The following AGPAT3 variants were observed in gnomAD, a reference collection of about 807,000 sequenced individuals.
AGPAT3 encodes 1-acylglycerol-3-phosphate O-acyltransferase 3, also known as 1-acyl-sn-glycerol-3-phosphate acyltransferase gamma.
AGPAT3 carries 5 observed loss-of-function variants against 47.3 expected under a neutral mutation model. That is an observed-to-expected ratio of 0.11 (90% CI 0.06 to 0.22). The LOEUF (loss-of-function observed/expected upper bound fraction) is 0.22, where lower values mean the gene tolerates loss of function less well. Ranked by LOEUF, AGPAT3 falls within the 10% of genes least tolerant of loss-of-function variation. AGPAT3 has a pLI of 1.00. For synonymous variants in AGPAT3, 212 were observed against 208.3 expected (o/e 1.02, Z -0.15); for missense variants, 315 against 493.0 (o/e 0.64, Z 3.42).
intron 2 of AGPAT3, among the ~76,000 whole-genome samples, chr21:43,946,624 G>A (rs2146430185): frequency 6.6e-6 from 1 of 151,920 alleles, no homozygotes; most frequent in Admixed American, 6.5e-5. Context: ...AAGTGCATGA[G>A]ACATTGATGA....
At chr21:43,917,137 C>T (rs1184113408) in intron 2 of AGPAT3, among the ~76,000 whole-genome samples, 2 of 152,130 alleles carry the variant, frequency 1.3e-5, no homozygotes, top group Non-Finnish European at 2.9e-5. Flanking sequence ...GCCCCATTTG[C>T]TGGGTTGTCC....
chr21:43,937,975 G>C (rs2087504057), intron 2 of AGPAT3, among the ~76,000 whole-genome samples: 1 of 152,162 alleles, frequency 6.6e-6, no homozygotes, highest in South Asian at 2.1e-4. Context: ...TGTGCAGACA[G>C]TGCTGGACCA....
chr21:43,871,154 A>G (rs2123504765), intron 1 of AGPAT3, among the ~76,000 whole-genome samples: 1 of 152,370 alleles, frequency 6.6e-6, no homozygotes, highest in East Asian at 1.9e-4. Context: ...ATTTCTTGAA[A>G]CAAAGTAACT....
chr21:43,902,782 T>C (rs2086388650), intron 1 of AGPAT3, among the ~76,000 whole-genome samples: 2 of 152,192 alleles, frequency 1.3e-5, no homozygotes, highest in Non-Finnish European at 2.9e-5. Context: ...GCGGATCACT[T>C]GAGCTCAGGA....
chr21:43,943,520 C>T (rs2087742061), intron 2 of AGPAT3, among the ~76,000 whole-genome samples: 2 of 152,220 alleles, frequency 1.3e-5, no homozygotes, highest in Admixed American at 6.5e-5. Flanking sequence ...CCTCCTGGGG[C>T]TCGATTTCCC....
chr21:43,927,325 C>T (rs1004250099), intron 2 of AGPAT3, among the ~76,000 whole-genome samples: 1 of 151,964 alleles, frequency 6.6e-6, no homozygotes, highest in African/African-American at 2.4e-5. Flanking sequence ...AAAAAAGAAC[C>T]CCACAGAGTT....
At chr21:43,917,919 AGGGGGTGTGGGTGTTGTGGGTGTTGT>A (rs2086779097) in intron 2 of AGPAT3, among the ~76,000 whole-genome samples, 5 of 27,134 alleles carry the variant, frequency 1.8e-4, no homozygotes, top group Admixed American at 1.2e-3. Flanking sequence ...TGGGTGTTGT[AGGGGGTGTGGGTGTTGTGGGTGTTGT>A]GGGGGTTGTA....
chr21:43,913,693 C>T (rs1346719799), intron 2 of AGPAT3, among the ~76,000 whole-genome samples: 1 of 152,140 alleles, frequency 6.6e-6, no homozygotes, highest in Non-Finnish European at 1.5e-5. Context: ...TTGGCAATGG[C>T]AGGAGATGTT....
intron 2 of AGPAT3, among the ~76,000 whole-genome samples, chr21:43,959,251 G>C (rs377340103): frequency 7.3e-6 from 1 of 136,758 alleles, no homozygotes; most frequent in Non-Finnish European, 1.6e-5. Flanking sequence ...GTGGTGTGTG[G>C]TTTGCGGTGT....
rs184274316 is a variant in AGPAT3, at chr21:43,971,383, C to A, written c.665-5C>A. The A allele has an allele frequency of 5.0e-6, 8 of 1,613,752 alleles. No individual in the cohort carries two copies. The East Asian group carries it at 1.1e-4, about 22-fold the overall frequency. ...GGTCATTCACCCTCCCGTCTCCTCC[C>A]ACAGTCGCAGCTGTCTATGATGTAA... On this transcript the variant is annotated splice_region_variant and splice_polypyrimidine_tract_variant and intron_variant, in intron 6 of 9. Transcript: ENST00000291572.
chr21:43,932,366 G>A lies in AGPAT3; in HGVS notation c.-48-27268G>A, dbSNP rs576154957. On this transcript the variant is annotated intron_variant, in intron 2 of 9. Transcript: ENST00000291572. This position sits in a 1 kb window ranked among gnomAD's most constrained non-coding sequence, Gnocchi z 5.2. ...TGAGTGAGGTCGTGCAGGACTTGTC[G>A]TTCTGTGACTGGCTGATTATCCACT... Among the ~76,000 whole-genome samples, 14 of 152,294 alleles carry A rather than the reference G, an allele frequency of 9.2e-5. No homozygotes were observed. In the East Asian group the frequency reaches 1.9e-3, roughly 21 times the overall value.
At chr21:43,963,632 T>G (rs1685459527) in intron 3 of AGPAT3, among the ~76,000 whole-genome samples, 1 of 144,020 alleles carries the variant, frequency 6.9e-6, no homozygotes, top group African/African-American at 2.6e-5. Flanking sequence ...CATTTGAACC[T>G]GGTCGGTGGA....
At chr21:43,872,425 C>T (rs993408557) in intron 1 of AGPAT3, among the ~76,000 whole-genome samples, 1 of 152,334 alleles carries the variant, frequency 6.6e-6, no homozygotes, top group East Asian at 1.9e-4. Flanking sequence ...AAGTGATCCA[C>T]CCACCTCGGC....
chr21:43,898,862 C>T, intron 1 of AGPAT3, among the ~76,000 whole-genome samples: 1 of 151,266 alleles, frequency 6.6e-6, no homozygotes, highest in East Asian at 1.9e-4. Flanking sequence ...TTGAATATCA[C>T]AAGACATTGC....
At chr21:43,929,101 G>A (rs2087152715) in intron 2 of AGPAT3, among the ~76,000 whole-genome samples, 1 of 152,160 alleles carries the variant, frequency 6.6e-6, no homozygotes, top group African/African-American at 2.4e-5. Flanking sequence ...GCGGGGCCCC[G>A]ATAGCCAGTC....
intron 2 of AGPAT3, among the ~76,000 whole-genome samples, chr21:43,931,330 G>A (rs576673853): frequency 6.6e-6 from 1 of 152,186 alleles, no homozygotes; most frequent in South Asian, 2.1e-4. Flanking sequence ...ATCTTCATGG[G>A]GTTTATCTGA....
chr21:43,904,527 G>A (rs373294762), intron 2 of AGPAT3, among the ~76,000 whole-genome samples: 4 of 152,138 alleles, frequency 2.6e-5, no homozygotes, highest in Admixed American at 2.0e-4. Context: ...TCTGCTCCTG[G>A]GGGGTCGGTG....
At chr21:43,977,989 T>C in intron 7 of AGPAT3, 57 bp from the exon 8 acceptor site, 1 of 1,464,984 alleles carries the variant, frequency 6.8e-7, no homozygotes, top group Non-Finnish European at 9.5e-7. Flanking sequence ...TGTGCCCTCT[T>C]TCTAGTGTGA....
At chr21:43,899,109 C>T (rs2086294009) in intron 1 of AGPAT3, among the ~76,000 whole-genome samples, 1 of 152,168 alleles carries the variant, frequency 6.6e-6, no homozygotes, top group Non-Finnish European at 1.5e-5. Context: ...TCTTTTTCTC[C>T]TTGAAGTGCA....
Sources: allele counts gnomAD v4.1 joint callset (sites outside exome capture counted in the v4.1 genomes callset), GRCh38; gene constraint gnomAD v4.1.1; non-coding constraint Gnocchi (gnomAD v3.1); transcripts MANE v1.5; gene names NCBI Gene and HGNC (gene_info 2026-07-23, HGNC 2026-07-21).